The following CSMD1 variants were observed in gnomAD, a reference collection of about 807,000 sequenced individuals.
The protein encoded by CSMD1 is CUB and sushi domain-containing protein 1.
Under a neutral mutation model 417.5 loss-of-function variants are expected in CSMD1, and 213 were observed. The ratio of observed to expected loss-of-function variants is 0.51; its 90% CI spans 0.46 to 0.57. CSMD1 has a LOEUF of 0.57. CSMD1 is among the 20% of genes least tolerant of loss of function. CSMD1 has a pLI of 0.00. For synonymous variants in CSMD1, 2,862 were observed against 1,736.8 expected (o/e 1.65, Z -16.11); for missense variants, 6,923 against 4,529.7 (o/e 1.53, Z -15.17).
In CSMD1 at chr8:3,431,982, C is replaced by T. The variant is rs80023176; in HGVS notation, c.1562-22377G>A. ...TAGATGCTTGATAGTATCACAGACT[C>T]GAATGTGATCATGTAAGAGATCACT... On this transcript the variant is annotated intron_variant, in intron 12 of 69. Coordinates refer to ENST00000635120, the MANE Select transcript of CSMD1 (RefSeq NM_033225.6). 4.1e-3 allele frequency among the ~76,000 whole-genome samples: 621 copies of T among 152,258 alleles called. 1 individual carries two copies. The highest frequency in any genetic ancestry group is 5.6e-3 in the African/African-American group (231 of 41,532).
At chr8:3,870,490 G>A (rs923892477) in intron 5 of CSMD1, among the ~76,000 whole-genome samples, 1 of 152,014 alleles carries the variant, frequency 6.6e-6, no homozygotes, top group Non-Finnish European at 1.5e-5. Context: ...GAAATTGAGG[G>A]ATTAATGTCT....
At position 3,090,247 on chromosome 8, in the gene CSMD1, G is replaced by T. The variant is rs1391127132; in HGVS notation, c.7285+1269C>A. On this transcript the variant is annotated intron_variant, in intron 48 of 69. Transcript: ENST00000635120. ...CAGGAGAATGGCCTGAACCCGGGAG[G>T]CGGAGCTTGCAGTGAGCCGAGATCG... is the stretch of plus-strand genomic sequence containing the variant. 6.7e-5 allele frequency among the ~76,000 whole-genome samples: 10 copies of T among 148,534 alleles called. No homozygotes were observed. In the East Asian group the frequency reaches 2.1e-3, roughly 31 times the overall value.
Position 2,979,677 on chromosome 8 carries a change from C to T in CSMD1, c.8378-877G>A, listed in dbSNP as rs77189253. On this transcript the variant is annotated intron_variant, in intron 54 of 69. Transcript: ENST00000635120. ...AGACAAACCCTGTACCCAAACTGTG[C>T]GTTTTATTTCTTCTCTATTCAAAAA... is the stretch of plus-strand genomic sequence containing the variant. 9.4e-3 allele frequency among the ~76,000 whole-genome samples: 1,437 copies of T among 152,278 alleles called. 15 individuals carry two copies. Among genetic ancestry groups the T allele is most frequent in the Non-Finnish European group, 0.015 (1,039 of 68,024 alleles).
intron 5 of CSMD1, among the ~76,000 whole-genome samples, chr8:3,806,427 C>A (rs563511015): frequency 1.3e-5 from 2 of 152,200 alleles, no homozygotes; most frequent in Non-Finnish European, 2.9e-5. Flanking sequence ...CATCCTGATA[C>A]GGCCATGGCC....
intron 26 of CSMD1, among the ~76,000 whole-genome samples, chr8:3,253,185 T>C (rs1585806129): frequency 6.6e-6 from 1 of 152,182 alleles, no homozygotes; most frequent in East Asian, 1.9e-4. Flanking sequence ...AATTTCCCTC[T>C]ACACACTGCT....
intron 1 of CSMD1, among the ~76,000 whole-genome samples, chr8:4,841,107 G>T (rs1439335399): frequency 6.6e-6 from 1 of 152,162 alleles, no homozygotes; most frequent in Non-Finnish European, 1.5e-5. Flanking sequence ...TTTGTCGACT[G>T]CAGAAACAAT....
At chr8:4,522,405 T>C (rs1354448099) in intron 2 of CSMD1, among the ~76,000 whole-genome samples, 1 of 152,148 alleles carries the variant, frequency 6.6e-6, no homozygotes, top group East Asian at 1.9e-4. Context: ...CGGTATAATA[T>C]AGTTATGTAT....
At chr8:3,232,380 T>C (rs765524840) in intron 26 of CSMD1, among the ~76,000 whole-genome samples, 11 of 152,224 alleles carry the variant, frequency 7.2e-5, no homozygotes, top group Non-Finnish European at 1.5e-5. Context: ...TTGCTTGTAT[T>C]ATGTTTTTGG....
chr8:3,563,687 G>C (rs1002369435), intron 10 of CSMD1, among the ~76,000 whole-genome samples: 4 of 152,010 alleles, frequency 2.6e-5, no homozygotes, highest in Admixed American at 2.0e-4. Context: ...TCAGGAGTTC[G>C]AGACCAGCCT....
At chr8:4,908,083 A>T (rs1024044879) in intron 1 of CSMD1, among the ~76,000 whole-genome samples, 3 of 152,174 alleles carry the variant, frequency 2.0e-5, no homozygotes, top group Non-Finnish European at 4.4e-5. Context: ...TTCTTTCTCC[A>T]TGGAAGTCGT....
At chr8:3,427,142 G>T (rs1477191508) in intron 12 of CSMD1, among the ~76,000 whole-genome samples, 1 of 152,110 alleles carries the variant, frequency 6.6e-6, no homozygotes, top group African/African-American at 2.4e-5. Context: ...GAAGATTATG[G>T]GGATCATAGG....
intron 24 of CSMD1, 146 bp downstream of exon 24, chr8:3,308,166 A>T: frequency 4.6e-6 from 3 of 655,120 alleles, no homozygotes; most frequent in Non-Finnish European, 7.7e-6. Context: ...ACTCACAGAC[A>T]CGTGCAAATC....
intron 4 of CSMD1, among the ~76,000 whole-genome samples, chr8:4,019,046 T>C (rs915718431): frequency 6.6e-6 from 1 of 152,260 alleles, no homozygotes; most frequent in African/African-American, 2.4e-5. Context: ...TCTTTATCGC[T>C]TTGAGACAGA....
intron 7 of CSMD1, among the ~76,000 whole-genome samples, chr8:3,704,474 T>A (rs1801054559): frequency 6.6e-6 from 1 of 152,072 alleles, no homozygotes; most frequent in African/African-American, 2.4e-5. Flanking sequence ...CACAACAACA[T>A]AAATAAGGGG....
intron 1 of CSMD1, among the ~76,000 whole-genome samples, chr8:4,711,186 T>C (rs1808272216): frequency 6.6e-6 from 1 of 152,020 alleles, no homozygotes; most frequent in Admixed American, 6.5e-5. Context: ...ATCCTTTTAT[T>C]ACTCATACTT....
chr8:4,444,091 C>T (rs1486806976), intron 2 of CSMD1, among the ~76,000 whole-genome samples: 1 of 152,128 alleles, frequency 6.6e-6, no homozygotes, highest in East Asian at 1.9e-4. Flanking sequence ...CCTGTAACCC[C>T]AGCACTTTGG....
chr8:4,317,124 A>G (rs1375115714), intron 3 of CSMD1, among the ~76,000 whole-genome samples: 1 of 152,192 alleles, frequency 6.6e-6, no homozygotes, highest in Non-Finnish European at 1.5e-5. Flanking sequence ...CAAGCACATC[A>G]TCATCATCTA....
intron 5 of CSMD1, among the ~76,000 whole-genome samples, chr8:3,820,207 T>A (rs1334910223): frequency 6.6e-6 from 1 of 152,114 alleles, no homozygotes. Flanking sequence ...TAAACCATGT[T>A]TGTTGAGGTC....
Position 3,595,200 on chromosome 8 carries a change from G to A in CSMD1, c.1098-8940C>T, listed in dbSNP as rs548975473. On this transcript the variant is annotated intron_variant, in intron 8 of 69. Coordinates refer to ENST00000635120, the MANE Select transcript of CSMD1 (RefSeq NM_033225.6). ...CCCCTTAGGGACACGATCCTAATAA[G>A]CAAGACCAGGAAGGCTGGGAAGACC... 3.3e-5 allele frequency among the ~76,000 whole-genome samples: 5 copies of A among 152,302 alleles called. No individual in the cohort carries two copies. The South Asian group carries it at 1.0e-3, about 32-fold the overall frequency.
Sources: allele counts gnomAD v4.1 joint callset (sites outside exome capture counted in the v4.1 genomes callset), GRCh38; gene constraint gnomAD v4.1.1; transcripts MANE v1.5; gene names NCBI Gene and HGNC (gene_info 2026-07-23, HGNC 2026-07-21).